Variants in PCDH7 observed in about 807,000 individuals in gnomAD.
PCDH7 encodes protocadherin-7.
In PCDH7, 17 loss-of-function variants were observed where a neutral mutation model predicts 58.9. The observed-to-expected ratio is 0.29, with a 90% CI of 0.20 to 0.43. The LOEUF is 0.43. Ranked by LOEUF, PCDH7 falls within the 20% of genes least tolerant of loss-of-function variation. The probability of loss-of-function intolerance (pLI) is 1.00; values close to 1 mark genes in which losing one functional copy is unlikely to be tolerated. For synonymous variants in PCDH7, 664 were observed against 616.4 expected (o/e 1.08, Z -1.14); for missense variants, 1,274 against 1,441.0 (o/e 0.88, Z 1.88).
chr4:31,061,260 T>A (rs1038602830), intron 3 of PCDH7, among the ~76,000 whole-genome samples: 1 of 151,858 alleles, frequency 6.6e-6, no homozygotes, highest in South Asian at 2.1e-4. Context: ...TATTTTAAAA[T>A]CTCTTTTAGC....
intron 1 of PCDH7, among the ~76,000 whole-genome samples, chr4:30,861,956 T>C (rs1027634232): frequency 3.9e-5 from 6 of 152,116 alleles, no homozygotes; most frequent in South Asian, 2.1e-4. Context: ...ATAAATTCTA[T>C]ACATGGGAAA....
At chr4:30,819,651 T>C (rs1411981585) in intron 1 of PCDH7, among the ~76,000 whole-genome samples, 8 of 152,142 alleles carry the variant, frequency 5.3e-5, no homozygotes, top group Non-Finnish European at 7.4e-5. Context: ...TAAGTTAAAG[T>C]TGGTTATGAA....
chr4:31,084,665 A>G (rs1365405238), intron 3 of PCDH7, among the ~76,000 whole-genome samples: 1 of 130,224 alleles, frequency 7.7e-6, no homozygotes, highest in Non-Finnish European at 1.6e-5. Context: ...AAAGAGAGAG[A>G]GAGAGAGAGA....
chr4:30,927,805 A>G (rs1299803696), intron 2 of PCDH7, among the ~76,000 whole-genome samples: 1 of 151,794 alleles, frequency 6.6e-6, no homozygotes, highest in Non-Finnish European at 1.5e-5. Flanking sequence ...CTATTGTCCT[A>G]TGACCCTGCC....
chr4:31,027,758 T>C, intron 3 of PCDH7, among the ~76,000 whole-genome samples: 1 of 152,236 alleles, frequency 6.6e-6, no homozygotes, highest in Non-Finnish European at 1.5e-5. Flanking sequence ...TTATATATGC[T>C]TTCCTATATA....
chr4:30,755,490 A>C (rs1371899634), intron 1 of PCDH7, among the ~76,000 whole-genome samples: 1 of 152,090 alleles, frequency 6.6e-6, no homozygotes, highest in Non-Finnish European at 1.5e-5. Context: ...TCCACAAAAC[A>C]TTTTTGTCTT....
chr4:30,963,239 T>A (rs1748642709), intron 3 of PCDH7, among the ~76,000 whole-genome samples: 1 of 152,212 alleles, frequency 6.6e-6, no homozygotes, highest in African/African-American at 2.4e-5. Context: ...TGCTGTATGT[T>A]GACTAAGCAT....
chr4:30,867,546 T>C (rs1014356521), intron 1 of PCDH7, among the ~76,000 whole-genome samples: 1 of 152,032 alleles, frequency 6.6e-6, no homozygotes, highest in East Asian at 1.9e-4. Context: ...CTGGATCTCA[T>C]CACCTAAGCT....
At chr4:30,824,378 C>T (rs986573590) in intron 1 of PCDH7, among the ~76,000 whole-genome samples, 16 of 151,962 alleles carry the variant, frequency 1.1e-4, no homozygotes, top group South Asian at 2.1e-4. Flanking sequence ...TAATATTTCA[C>T]GGAGAGATAT....
chr4:30,951,841 C>T (rs1055367652), intron 3 of PCDH7, among the ~76,000 whole-genome samples: 1 of 152,148 alleles, frequency 6.6e-6, no homozygotes, highest in Non-Finnish European at 1.5e-5. Flanking sequence ...CATTTCTCCC[C>T]AGGAAAGCAG....
intron 3 of PCDH7, among the ~76,000 whole-genome samples, chr4:31,038,984 T>C (rs1755630922): frequency 6.6e-6 from 1 of 152,082 alleles, no homozygotes; most frequent in African/African-American, 2.4e-5. Flanking sequence ...TTTCAAAGAG[T>C]AAATTAGCAT....
intron 3 of PCDH7, among the ~76,000 whole-genome samples, chr4:31,139,073 A>G (rs1177473084): frequency 6.6e-6 from 1 of 152,168 alleles, no homozygotes; most frequent in Non-Finnish European, 1.5e-5. Flanking sequence ...AGATGCAATG[A>G]TTCTAGTAAA....
At chr4:31,084,397 C>T (rs1349757503) in intron 3 of PCDH7, among the ~76,000 whole-genome samples, 1 of 151,966 alleles carries the variant, frequency 6.6e-6, no homozygotes, top group Non-Finnish European at 1.5e-5. Context: ...GGCTATTGAG[C>T]TTTATTATAG....
rs978701254 is a variant in PCDH7, at chr4:31,074,841, C to CCTGCATAT, written c.*8-67631_*8-67624dup. On this transcript the variant is annotated intron_variant, in intron 3 of 3. Transcript: ENST00000509759. Reference sequence around the variant, plus strand: ...TATTTGACAGACCTAGCCCTACCATCCTGCATATGAGATTCATGCCCACTG... The same window carrying CCTGCATAT: ...TATTTGACAGACCTAGCCCTACCATCCTGCATATCTGCATATGAGATTCATGCCCACTG... Among the ~76,000 whole-genome samples the CCTGCATAT allele has an allele frequency of 1.1e-4, 16 of 147,794 alleles. 1 individual carries two copies. Among genetic ancestry groups the CCTGCATAT allele is most frequent in the Admixed American group, 8.1e-4 (12 of 14,736 alleles).
intron 1 of PCDH7, among the ~76,000 whole-genome samples, chr4:30,842,838 C>T (rs1025913810): frequency 2.6e-5 from 4 of 152,220 alleles, no homozygotes; most frequent in Middle Eastern, 3.4e-3. Context: ...GCAGGGGGCA[C>T]GTTGGATAGA....
At chr4:30,991,268 G>C (rs1208476382) in intron 3 of PCDH7, among the ~76,000 whole-genome samples, 1 of 152,170 alleles carries the variant, frequency 6.6e-6, no homozygotes, top group Non-Finnish European at 1.5e-5. Context: ...CAGAAGGTCA[G>C]TTTTCGTTTT....
At chr4:30,974,517 G>A (rs542669094) in intron 3 of PCDH7, among the ~76,000 whole-genome samples, 1 of 152,138 alleles carries the variant, frequency 6.6e-6, no homozygotes, top group Non-Finnish European at 1.5e-5. Flanking sequence ...ATAATGATAA[G>A]AAATAGTGGA....
chr4:31,055,173 T>A (rs149034925), intron 3 of PCDH7, among the ~76,000 whole-genome samples: 1 of 152,312 alleles, frequency 6.6e-6, no homozygotes, highest in African/African-American at 2.4e-5. Flanking sequence ...TTTATTTATG[T>A]CATCCATCTT....
At chr4:30,902,820 A>G (rs541694954) in intron 1 of PCDH7, among the ~76,000 whole-genome samples, 7 of 152,174 alleles carry the variant, frequency 4.6e-5, no homozygotes, top group Non-Finnish European at 1.0e-4. Context: ...TAGTAGTAGT[A>G]ATAAAATATG....
Sources: allele counts gnomAD v4.1 joint callset (sites outside exome capture counted in the v4.1 genomes callset), GRCh38; gene constraint gnomAD v4.1.1; transcripts MANE v1.5; gene names NCBI Gene and HGNC (gene_info 2026-07-23, HGNC 2026-07-21).